PPP2R2C: variants seen among roughly 807,000 people sequenced by gnomAD.
PPP2R2C encodes protein phosphatase 2, regulatory subunit B, gamma.
Under a neutral mutation model 45.3 loss-of-function variants are expected in PPP2R2C, and 10 were observed. The ratio of observed to expected loss-of-function variants is 0.22; its 90% confidence interval spans 0.14 to 0.37. PPP2R2C has a LOEUF of 0.37. PPP2R2C is among the 10% of genes least tolerant of loss of function. The probability of loss-of-function intolerance (pLI) is 1.00; values close to 1 mark genes in which losing one functional copy is unlikely to be tolerated. For missense variants in PPP2R2C, 308 were observed against 619.7 expected (o/e 0.50, Z 5.34); for synonymous variants, 257 against 245.4 (o/e 1.05, Z -0.44).
At chr4:6,486,012 T>A (rs555888046) in intron 2 of PPP2R2C, among the ~76,000 whole-genome samples, 1 of 152,116 alleles carries the variant, frequency 6.6e-6, no homozygotes, top group East Asian at 1.9e-4. Flanking sequence ...TCTATTCCAA[T>A]ATACATGTTT....
rs747082352 is a variant in PPP2R2C at position 6,372,578 on chromosome 4, C to T, written c.570G>A (p.Ser190=). Residue 190 remains serine (S), a synonymous_variant, in exon 5 of 9, where the codon TCG becomes TCA. Transcript: ENST00000382599. ...SVNSDCETYM[S]ADDLRINLWH... is the part of the protein sequence containing the mutation. ...AGAGGTTGATGCGCAGGTCATCCGCCGACATGTAGGTCTCGCAGTCACTGT... is the reference window on the plus strand; with the variant it reads ...AGAGGTTGATGCGCAGGTCATCCGCTGACATGTAGGTCTCGCAGTCACTGT... 2.0e-5 allele frequency: 33 copies of T among 1,614,146 alleles called. No homozygotes were observed. Among genetic ancestry groups the T allele is most frequent in the Non-Finnish European group, 2.6e-5 (31 of 1,180,024 alleles).
intron 5 of PPP2R2C, among the ~76,000 whole-genome samples, chr4:6,352,004 G>A (rs548281843): frequency 6.6e-6 from 1 of 152,346 alleles, no homozygotes; most frequent in Admixed American, 6.5e-5. Context: ...CCTGAAGATG[G>A]ACTCCTGACA....
At chr4:6,454,975 G>A (rs1006921797) in intron 1 of PPP2R2C, among the ~76,000 whole-genome samples, 2 of 152,124 alleles carry the variant, frequency 1.3e-5, no homozygotes, top group Admixed American at 6.5e-5. Flanking sequence ...TGCACCACAC[G>A]GCTCCTCCCT....
intron 4 of PPP2R2C, among the ~76,000 whole-genome samples, chr4:6,375,178 G>A (rs1050538391): frequency 3.3e-5 from 5 of 152,158 alleles, no homozygotes; most frequent in Non-Finnish European, 5.9e-5. Context: ...GAAGCTAATC[G>A]GCTGCCCACT....
chr4:6,375,516 C>T (rs1044113819), intron 4 of PPP2R2C, among the ~76,000 whole-genome samples: 2 of 152,312 alleles, frequency 1.3e-5, no homozygotes, highest in East Asian at 1.9e-4. Flanking sequence ...CTCAGTTTCC[C>T]CCTTCTTATA....
At chr4:6,339,521 G>T (rs1733280797) in intron 6 of PPP2R2C, among the ~76,000 whole-genome samples, 1 of 152,274 alleles carries the variant, frequency 6.6e-6, no homozygotes, top group East Asian at 1.9e-4. Flanking sequence ...TGGCCCTCTT[G>T]GTAGCACCTG....
chr4:6,397,265 G>A (rs762278022), intron 1 of PPP2R2C, among the ~76,000 whole-genome samples: 31 of 152,320 alleles, frequency 2.0e-4, no homozygotes, highest in Admixed American at 6.5e-4. Context: ...CAGGGAGCTG[G>A]CTCCGATGAC....
intron 2 of PPP2R2C, among the ~76,000 whole-genome samples, chr4:6,528,768 CTCCTGGCTCA>C (rs936465102): frequency 5.3e-5 from 8 of 152,188 alleles, no homozygotes; most frequent in African/African-American, 1.7e-4. Context: ...GAAATTCCTT[CTCCTGGCTCA>C]TCCTGGCTCA....
At chr4:6,524,084 TG>T (rs1190213514) in intron 2 of PPP2R2C, among the ~76,000 whole-genome samples, 1 of 139,674 alleles carries the variant, frequency 7.2e-6, no homozygotes, top group African/African-American at 2.5e-5. Flanking sequence ...TGGCTAATTT[TG>T]TATTTTTTTT....
upstream of PPP2R2C, among the ~76,000 whole-genome samples, chr4:6,476,335 T>C (rs942522169): frequency 6.6e-6 from 1 of 152,168 alleles, no homozygotes; most frequent in African/African-American, 2.4e-5. Context: ...ATTGAAATCC[T>C]GTCCCCTAAT....
chr4:6,349,465 T>G (rs956914529), intron 5 of PPP2R2C: 1 of 985,036 alleles, frequency 1.0e-6, no homozygotes, highest in South Asian at 4.7e-5. Context: ...TCAATGAATG[T>G]CAGTTTCCAT....
At chr4:6,382,217 G>A in intron 1 of PPP2R2C, 1 of 1,203,578 alleles carries the variant, frequency 8.3e-7, no homozygotes, top group Non-Finnish European at 1.1e-6. Context: ...GGCCCAAGCA[G>A]CAAAAGCTAG....
At chr4:6,521,445 G>C (rs1724024095) in intron 2 of PPP2R2C, among the ~76,000 whole-genome samples, 1 of 152,222 alleles carries the variant, frequency 6.6e-6, no homozygotes, top group Non-Finnish European at 1.5e-5. Context: ...AGGTGGGTTA[G>C]AAGCTTCTGC....
chr4:6,360,743 G>T (rs1388430653), intron 5 of PPP2R2C, among the ~76,000 whole-genome samples: 1 of 152,214 alleles, frequency 6.6e-6, no homozygotes, highest in Admixed American at 6.5e-5. Context: ...AGATCCTACA[G>T]GAGGATTCCT....
At chr4:6,551,202 A>T (rs1387801186) in intron 1 of PPP2R2C, among the ~76,000 whole-genome samples, 1 of 152,190 alleles carries the variant, frequency 6.6e-6, no homozygotes, top group Non-Finnish European at 1.5e-5. Context: ...GGGGGATTGG[A>T]GGCTACTTGG....
chr4:6,384,299 A>T lies in PPP2R2C; in HGVS notation c.71-3205T>A, dbSNP rs965884654. Reference sequence around the variant, plus strand: ...ATAAAATTGGGTATAAAATGCTTGTAATGATCTACATCAGTGATTATAGCC... The same window carrying T: ...ATAAAATTGGGTATAAAATGCTTGTTATGATCTACATCAGTGATTATAGCC... On this transcript the variant is annotated intron_variant, in intron 1 of 8. Transcript: ENST00000382599. 5.1e-6 allele frequency: 5 copies of T among 985,306 alleles called. No homozygotes were observed. The African/African-American group carries it at 8.7e-5, about 17-fold the overall frequency. The allele number at this position is 985,306 out of a possible 1,614,324, so 61.0% of individuals were successfully genotyped here.
rs1477084202 is a variant in PPP2R2C at position 6,322,961 on chromosome 4, A to G, written c.*341T>C. The G allele has an allele frequency of 1.5e-5, 3 of 196,566 alleles. No homozygotes were observed. Among genetic ancestry groups the G allele is most frequent in the Non-Finnish European group, 3.1e-5 (3 of 97,360 alleles). 12.2% of individuals were successfully genotyped at this position (196,566 alleles called of 1,614,324 possible). ...TTAACCCGGACGCATAAAAAGTCCT[A>G]TTGATGTGGTAAAGACCGCAGACCG... On this transcript the variant is annotated 3_prime_UTR_variant, in exon 9 of 9. Transcript: ENST00000382599. This position sits in a 1 kb window ranked among gnomAD's most constrained non-coding sequence, Gnocchi z 7.8.
intron 2 of PPP2R2C, among the ~76,000 whole-genome samples, chr4:6,529,638 C>A (rs963344448): frequency 6.6e-6 from 1 of 152,368 alleles, no homozygotes; most frequent in African/African-American, 2.4e-5. Flanking sequence ...TCCCCCATCC[C>A]TCTTCCCTGG....
chr4:6,521,353 A>G (rs1724019477), intron 2 of PPP2R2C, among the ~76,000 whole-genome samples: 1 of 152,134 alleles, frequency 6.6e-6, no homozygotes, highest in African/African-American at 2.4e-5. Flanking sequence ...CTCTTTACCA[A>G]CTGCCTCCAG....
Sources: allele counts gnomAD v4.1 joint callset (sites outside exome capture counted in the v4.1 genomes callset), GRCh38; gene constraint gnomAD v4.1.1; non-coding constraint Gnocchi (gnomAD v3.1); transcripts MANE v1.5; gene names NCBI Gene and HGNC (gene_info 2026-07-23, HGNC 2026-07-21).